Variants in STARD3 observed in about 807,000 individuals in gnomAD.
STARD3 encodes the protein StAR related lipid transfer domain containing 3.
A neutral mutation model predicts 62.0 loss-of-function variants in STARD3; 39 were observed. The observed-to-expected ratio is 0.63, with a 90% CI of 0.49 to 0.82. The LOEUF is 0.82. Among genes scored for constraint, STARD3 ranks in the 40% least tolerant of loss-of-function variants. STARD3 has a pLI of 0.00. For missense variants in STARD3, 543 were observed against 584.5 expected (o/e 0.93, Z 0.73); for synonymous variants, 229 against 242.4 (o/e 0.94, Z 0.51).
In STARD3 at chr17:39,660,583, TG is replaced by T; in HGVS notation, c.954+60del. On this transcript the variant is annotated intron_variant, in intron 11 of 14. Transcript: ENST00000336308. This position sits in a 1 kb window ranked among gnomAD's most constrained non-coding sequence, Gnocchi z 4.8. Reference sequence around the variant, plus strand: ...AGATGGGGGCACAGCCACGCCTCAGTGGGATCACTGAAGCACTCAGCGCCTC... The same window carrying T: ...AGATGGGGGCACAGCCACGCCTCAGTGGATCACTGAAGCACTCAGCGCCTC... The T allele has an allele frequency of 6.3e-7, 1 of 1,580,932 alleles. No individual in the cohort carries two copies. Among genetic ancestry groups the T allele is most frequent in the Non-Finnish European group, 8.7e-7 (1 of 1,151,166 alleles).
Position 39,657,813 on chromosome 17 carries a change from C to A in STARD3, c.336C>A (p.Gly112=), listed in dbSNP as rs1190791778. The A allele has an allele frequency of 1.2e-6, 2 of 1,614,218 alleles. No individual in the cohort carries two copies. Among genetic ancestry groups the A allele is most frequent in the Admixed American group, 3.3e-5 (2 of 60,032 alleles). Reference sequence around the variant, plus strand: ...TCCGCTTCTCTGGACTGCTCCTAGGCTATGCCGTGCTGCGGCTCCGGCACT... The same window carrying A: ...TCCGCTTCTCTGGACTGCTCCTAGGATATGCCGTGCTGCGGCTCCGGCACT... The part of the protein sequence containing the change: ...AFFRFSGLLL[G]YAVLRLRHWW... Residue 112 remains glycine (G), a synonymous_variant, in exon 4 of 15, where the codon GGC becomes GGA. Coordinates refer to ENST00000336308, the MANE Select transcript of STARD3 (RefSeq NM_006804.4).
At chr17:39,650,729 G>T (rs767197843) in intron 1 of STARD3, among the ~76,000 whole-genome samples, 1 of 152,176 alleles carries the variant, frequency 6.6e-6, no homozygotes, top group African/African-American at 2.4e-5. Context: ...CAGGAGGATC[G>T]CTTGAGCTTA....
intron 1 of STARD3, among the ~76,000 whole-genome samples, chr17:39,648,424 G>A (rs193166051): frequency 9.2e-5 from 14 of 152,294 alleles, no homozygotes; most frequent in African/African-American, 2.6e-4. Context: ...CCATGTTCAC[G>A]CCTCTGGACT....
In STARD3 at chr17:39,649,155, A is replaced by G. The variant is rs772419398; in HGVS notation, c.-51-4326A>G. Among the ~76,000 whole-genome samples the G allele has an allele frequency of 2.6e-5, 4 of 152,218 alleles. No homozygotes were observed. The East Asian group carries it at 7.7e-4, about 29-fold the overall frequency. On this transcript the variant is annotated intron_variant, in intron 1 of 14. Coordinates refer to ENST00000336308, the MANE Select transcript of STARD3 (RefSeq NM_006804.4). ...TGGGGAAAAATAAAGACAGACATGG[A>G]TGACGATATGTTCTGTGGGCTGTGG...
At chr17:39,651,075 G>A (rs1237679756) in intron 1 of STARD3, among the ~76,000 whole-genome samples, 3 of 152,206 alleles carry the variant, frequency 2.0e-5, no homozygotes, top group Admixed American at 6.5e-5. Context: ...CCTCCCCATC[G>A]CCTGTTTCCA....
At chr17:39,646,034 G>A (rs1241025948) in intron 1 of STARD3, among the ~76,000 whole-genome samples, 1 of 151,308 alleles carries the variant, frequency 6.6e-6, no homozygotes, top group Non-Finnish European at 1.5e-5. Context: ...TGGGACTACA[G>A]GTGCACACCA....
At chr17:39,658,954 AT>A in intron 7 of STARD3, 96 bp from the exon 8 acceptor site, 1 of 1,563,658 alleles carries the variant, frequency 6.4e-7, no homozygotes, top group Non-Finnish European at 8.8e-7. Context: ...ACACACTTTT[AT>A]CCCCCACATC....
At chr17:39,654,034 A>G (rs1206592089) in intron 2 of STARD3, among the ~76,000 whole-genome samples, 1 of 152,134 alleles carries the variant, frequency 6.6e-6, no homozygotes, top group Admixed American at 6.5e-5. Context: ...TCTGCCCCAT[A>G]CTGCCCCCTA....
intron 1 of STARD3, among the ~76,000 whole-genome samples, chr17:39,646,893 A>G (rs2057031346): frequency 6.6e-6 from 1 of 151,512 alleles, no homozygotes; most frequent in Non-Finnish European, 1.5e-5. Context: ...TTCCCCCTCT[A>G]ACCCAGGATG....
intron 1 of STARD3, among the ~76,000 whole-genome samples, chr17:39,640,936 AC>A (rs1326869515): frequency 2.0e-5 from 3 of 152,124 alleles, no homozygotes; most frequent in East Asian, 3.9e-4. Flanking sequence ...CTTATTTGTC[AC>A]TGTAGCTGTG....
At position 39,657,978 on chromosome 17, in the gene STARD3, G is replaced by C. The variant is rs769561955; in HGVS notation, c.381G>C (p.Thr127=). Residue 127 remains threonine, a synonymous_variant, in exon 5 of 15, where the codon ACG becomes ACC. Coordinates refer to ENST00000336308, the MANE Select transcript of STARD3 (RefSeq NM_006804.4). ...TCCCTCCCTCCCCTGGGCAGGTCAC[G>C]ACGCTGGTGTCCAGTGCATTCCTCA... is the stretch of plus-strand genomic sequence containing the variant. The part of the protein sequence containing the change: ...RLRHWWVIAV[T]TLVSSAFLIV... 4 of 1,584,342 alleles carry C rather than the reference G, an allele frequency of 2.5e-6. No homozygotes were observed. The highest frequency in any genetic ancestry group is 1.2e-5 in the South Asian group (1 of 85,598).
intron 1 of STARD3, among the ~76,000 whole-genome samples, chr17:39,650,729 G>A (rs767197843): frequency 4.6e-5 from 7 of 152,176 alleles, no homozygotes; most frequent in South Asian, 2.1e-4. Flanking sequence ...CAGGAGGATC[G>A]CTTGAGCTTA....
chr17:39,658,249 C>T, intron 5 of STARD3, 156 bp from the exon 6 acceptor site: 1 of 829,820 alleles, frequency 1.2e-6, no homozygotes. Flanking sequence ...CAGCCTAACC[C>T]CAGTTTATCC....
At chr17:39,661,200 T>C (rs2145045792) in intron 13 of STARD3, 115 bp downstream of exon 13, 1 of 885,398 alleles carries the variant, frequency 1.1e-6, no homozygotes, top group Non-Finnish European at 1.8e-6. Flanking sequence ...TGCGTTCCTG[T>C]TCCCTGTCCC....
At chr17:39,653,323 G>A (rs2057094751) in intron 1 of STARD3, 158 bp from the exon 2 acceptor site, 1 of 607,434 alleles carries the variant, frequency 1.6e-6, no homozygotes, top group African/African-American at 1.9e-5. Context: ...CAGCCTGGGA[G>A]CCAGGCTGGT....
At chr17:39,641,006 C>G (rs976846120) in intron 1 of STARD3, among the ~76,000 whole-genome samples, 41 of 152,320 alleles carry the variant, frequency 2.7e-4, no homozygotes, top group African/African-American at 8.9e-4. Context: ...CTGTGGAGGG[C>G]TATAGTAGGG....
rs2145041101 is a variant in STARD3, at chr17:39,660,677, G to A, written c.955-133G>A. 2 of 1,346,786 alleles carry A rather than the reference G, an allele frequency of 1.5e-6. No homozygotes were observed. Among genetic ancestry groups the A allele is most frequent in the Non-Finnish European group, 1.0e-6 (1 of 960,236 alleles). 83.4% of individuals were successfully genotyped at this position (1,346,786 alleles called of 1,614,324 possible). A position where few individuals can be genotyped will look rare whatever the true frequency, so the allele number is the denominator to read the frequency against. The stretch of plus-strand genomic sequence containing the variant: ...GCTCGGGAGGGTCGGGAGGAGGGCA[G>A]GAGGAGTGCTCATCAGGCGCTGCCC... On this transcript the variant is annotated intron_variant, in intron 11 of 14. Coordinates refer to ENST00000336308, the MANE Select transcript of STARD3 (RefSeq NM_006804.4). The surrounding 1 kb of genome is among the most constrained non-coding windows in gnomAD (Gnocchi z 4.8).
intron 13 of STARD3, chr17:39,661,326 G>A (rs1230607447): frequency 3.6e-6 from 2 of 551,314 alleles, no homozygotes; most frequent in Non-Finnish European, 6.5e-6. Context: ...GATGTGCGGC[G>A]GTGGCTGGCT....
intron 1 of STARD3, among the ~76,000 whole-genome samples, chr17:39,638,701 T>C (rs1002861999): frequency 6.6e-6 from 1 of 152,224 alleles, no homozygotes; most frequent in African/African-American, 2.4e-5. Flanking sequence ...CTGACCTGTT[T>C]GGTAACCTTG....
Sources: allele counts gnomAD v4.1 joint callset (sites outside exome capture counted in the v4.1 genomes callset), GRCh38; gene constraint gnomAD v4.1.1; non-coding constraint Gnocchi (gnomAD v3.1); transcripts MANE v1.5; gene names NCBI Gene and HGNC (gene_info 2026-07-23, HGNC 2026-07-21).